CARM1: variants seen among roughly 807,000 people sequenced by gnomAD.
The protein encoded by CARM1 is histone-arginine methyltransferase CARM1.
CARM1 carries 14 observed loss-of-function variants against 72.7 expected under a neutral mutation model. The ratio of observed to expected loss-of-function variants is 0.19; its 90% confidence interval spans 0.13 to 0.30. The LOEUF (loss-of-function observed/expected upper bound fraction) is 0.30, where lower values mean the gene tolerates loss of function less well. Ranked by LOEUF, CARM1 falls within the 10% of genes least tolerant of loss-of-function variation. CARM1 has a pLI of 1.00. For synonymous variants in CARM1, 333 were observed against 345.5 expected (o/e 0.96, Z 0.40); for missense variants, 432 against 833.7 (o/e 0.52, Z 5.93).
At position 10,903,564 on chromosome 19, in the gene CARM1, CTTT is replaced by C. The variant is rs1203997737; in HGVS notation, c.221-1374_221-1372del. Among the ~76,000 whole-genome samples the C allele has an allele frequency of 1.1e-3, 159 of 142,886 alleles. 1 individual carries two copies. The highest frequency in any genetic ancestry group is 3.9e-3 in the African/African-American group (153 of 39,124). 93.7% of individuals were successfully genotyped at this position (142,886 alleles called of 152,430 possible). On this transcript the variant is annotated intron_variant, in intron 1 of 15. Coordinates refer to ENST00000327064, the MANE Select transcript of CARM1 (RefSeq NM_199141.2). ...TCCACACTCACATTTCCCTAGTTGT[CTTT>C]TTTTTTTTTTTTAATAGGATCTCAC...
chr19:10,912,167 T>C lies in CARM1; in HGVS notation c.559-17T>C, dbSNP rs2074156243. 5.0e-6 allele frequency: 8 copies of C among 1,602,586 alleles called. No individual in the cohort carries two copies. The East Asian group carries it at 1.8e-4, about 36-fold the overall frequency. ...TCGCCTCCTATGTCTCGCTCTCACC[T>C]CCCACTCCTCCCTCAGATCGTTCTT... On this transcript the variant is annotated splice_polypyrimidine_tract_variant and intron_variant, in intron 4 of 15. Coordinates refer to ENST00000327064, the MANE Select transcript of CARM1 (RefSeq NM_199141.2). This position sits in a 1 kb window ranked among gnomAD's most constrained non-coding sequence, Gnocchi z 4.5.
intron 1 of CARM1, among the ~76,000 whole-genome samples, chr19:10,890,564 C>T (rs896242482): frequency 4.0e-5 from 6 of 150,976 alleles, no homozygotes; most frequent in Non-Finnish European, 8.8e-5. Flanking sequence ...CACCCCACCG[C>T]GCCTAGCCTA....
intron 1 of CARM1, among the ~76,000 whole-genome samples, chr19:10,883,301 T>TA (rs1385047231): frequency 1.3e-5 from 2 of 151,860 alleles, no homozygotes; most frequent in Admixed American, 6.6e-5. Context: ...GGTGTGGGGG[T>TA]AGGTAGGACA....
At position 10,915,239 on chromosome 19, in the gene CARM1, GC is replaced by G. The variant is rs2074185878; in HGVS notation, c.848-1164del. 6.6e-6 allele frequency among the ~76,000 whole-genome samples: 1 copy of G among 152,136 alleles called. No homozygotes were observed. Among genetic ancestry groups the G allele is most frequent in the South Asian group, 2.1e-4 (1 of 4,834 alleles). On this transcript the variant is annotated intron_variant, in intron 6 of 15. Transcript: ENST00000327064. This position sits in a 1 kb window ranked among gnomAD's most constrained non-coding sequence, Gnocchi z 4.6. ...AGCAAGGCTGCTCCAGGGGCTGTGG[GC>G]CCCACTCTCCTCCCCTTCTGCCCTG...
intron 1 of CARM1, among the ~76,000 whole-genome samples, chr19:10,900,458 C>T (rs950816690): frequency 6.6e-6 from 1 of 152,184 alleles, no homozygotes; most frequent in African/African-American, 2.4e-5. Flanking sequence ...TGTCTGGCTT[C>T]TTTCGGCATG....
At chr19:10,903,517 C>T (rs1260116754) in intron 1 of CARM1, among the ~76,000 whole-genome samples, 1 of 151,830 alleles carries the variant, frequency 6.6e-6, no homozygotes, top group African/African-American at 2.4e-5. Flanking sequence ...ATCCAAATAA[C>T]TTAAAATTAT....
At chr19:10,911,148 C>T (rs1220123163) in intron 4 of CARM1, among the ~76,000 whole-genome samples, 4 of 152,200 alleles carry the variant, frequency 2.6e-5, no homozygotes, top group Non-Finnish European at 1.5e-5. Context: ...GCCTCAGCCT[C>T]CCAAAGTGCT....
chr19:10,873,013 A>C (rs745649508), intron 1 of CARM1, among the ~76,000 whole-genome samples: 6 of 152,040 alleles, frequency 3.9e-5, no homozygotes, highest in Non-Finnish European at 7.4e-5. Context: ...GGACTAAAGG[A>C]GTTGTGTCTG....
intron 2 of CARM1, among the ~76,000 whole-genome samples, chr19:10,906,449 G>T (rs929548866): frequency 2.0e-5 from 3 of 152,102 alleles, no homozygotes; most frequent in Admixed American, 1.3e-4. Flanking sequence ...TGCTCATCCC[G>T]AACTGTGTCT....
intron 1 of CARM1, among the ~76,000 whole-genome samples, chr19:10,873,630 T>TG (rs1568343643): frequency 2.7e-5 from 3 of 110,142 alleles, no homozygotes; most frequent in Non-Finnish European, 1.9e-5. Context: ...TTTAGTTTTT[T>TG]TTTTTTTTTT....
At chr19:10,890,592 G>A (rs2073976511) in intron 1 of CARM1, among the ~76,000 whole-genome samples, 1 of 150,824 alleles carries the variant, frequency 6.6e-6, no homozygotes, top group Admixed American at 6.6e-5. Flanking sequence ...GTTTTGTGTG[G>A]TGGTACATAC....
rs1271061584 is a variant in CARM1, at chr19:10,871,830, C to T, written c.128C>T (p.Ala43Val). Reference protein sequence around the residue: ...PGARLLTIGDANGEIQRHAEQ... With the variant: ...PGARLLTIGDVNGEIQRHAEQ... ...GCCCGCCTCCTCACCATCGGCGACGCGAACGGCGAGATCCAGCGGCACGCG... is the reference window on the plus strand; with the variant it reads ...GCCCGCCTCCTCACCATCGGCGACGTGAACGGCGAGATCCAGCGGCACGCG... Residue 43 changes from alanine (A) to valine (V), a missense_variant, in exon 1 of 16, where the codon GCG becomes GTG. Around this residue, in one of 3 missense-constraint regions of CARM1, gnomAD observed 138 missense variants for 192.3 expected, o/e 0.72. Transcript: ENST00000327064. The surrounding 1 kb of genome is among the most constrained non-coding windows in gnomAD (Gnocchi z 5.6). 1 of 1,296,030 alleles carries T rather than the reference C, an allele frequency of 7.7e-7. No individual in the cohort carries two copies. The highest frequency in any genetic ancestry group is 9.9e-7 in the Non-Finnish European group (1 of 1,014,856). The allele number at this position is 1,296,030 out of a possible 1,614,324, so 80.3% of individuals were successfully genotyped here. A position where few individuals can be genotyped will look rare whatever the true frequency, so the allele number is the denominator to read the frequency against.
chr19:10,902,389 G>A (rs996412258), intron 1 of CARM1, among the ~76,000 whole-genome samples: 3 of 150,126 alleles, frequency 2.0e-5, no homozygotes, highest in Non-Finnish European at 3.0e-5. Context: ...CACCTCCCGG[G>A]TTCACACCAT....
intron 1 of CARM1, among the ~76,000 whole-genome samples, chr19:10,898,531 T>C (rs1300580377): frequency 6.6e-6 from 1 of 152,248 alleles, no homozygotes; most frequent in African/African-American, 2.4e-5. Context: ...AGGGCCTTTC[T>C]GAATCCTGGG....
At position 10,894,099 on chromosome 19, in the gene CARM1, G is replaced by A. The variant is rs575109324; in HGVS notation, c.221-10852G>A. Among the ~76,000 whole-genome samples, 334 of 152,298 alleles carry A rather than the reference G, an allele frequency of 2.2e-3. 6 individuals carry two copies. The South Asian group carries it at 0.049, about 22-fold the overall frequency. On this transcript the variant is annotated intron_variant, in intron 1 of 15. Transcript: ENST00000327064. ...GGCAGTGGGGCCTGGCTCAGGTGTC[G>A]CCTCCTCCCGAGTCTGCCTGGAATC...
At chr19:10,903,895 G>A (rs1241027141) in intron 1 of CARM1, among the ~76,000 whole-genome samples, 1 of 152,078 alleles carries the variant, frequency 6.6e-6, no homozygotes, top group Non-Finnish European at 1.5e-5. Flanking sequence ...GTAGAGATGG[G>A]GTCTTGCTAT....
At position 10,914,149 on chromosome 19, in the gene CARM1, C is replaced by T. The variant is rs547620082; in HGVS notation, c.847+95C>T. ...AGTGCTTCAGCTCCCTGCTTACTGT[C>T]GGTGGCCCGGGGTGTAGGGAAGCCT... On this transcript the variant is annotated intron_variant, in intron 6 of 15. Transcript: ENST00000327064. 4.4e-4 allele frequency: 555 copies of T among 1,257,776 alleles called. 1 individual carries two copies. The highest frequency in any genetic ancestry group is 4.7e-4 in the Non-Finnish European group (424 of 908,010). The allele number at this position is 1,257,776 out of a possible 1,614,324, so 77.9% of individuals were successfully genotyped here. A position where few individuals can be genotyped will look rare whatever the true frequency, so the allele number is the denominator to read the frequency against.
chr19:10,893,193 A>G (rs1289332007), intron 1 of CARM1, among the ~76,000 whole-genome samples: 3 of 148,382 alleles, frequency 2.0e-5, no homozygotes, highest in African/African-American at 5.0e-5. Flanking sequence ...ATGTACCACC[A>G]TGCCTGGCTA....
rs372568929 is a variant in CARM1 at position 10,897,261 on chromosome 19, C to T, written c.221-7690C>T. Among the ~76,000 whole-genome samples, 5 of 152,078 alleles carry T rather than the reference C, an allele frequency of 3.3e-5. No homozygotes were observed. In the East Asian group the frequency reaches 9.6e-4, roughly 29 times the overall value. On this transcript the variant is annotated intron_variant, in intron 1 of 15. Transcript: ENST00000327064. The stretch of plus-strand genomic sequence containing the variant: ...AAGGGCATAGTGAGAGTAGATACTC[C>T]CAGAAGTGATGAGAAGAGGAAACAG...
Sources: allele counts gnomAD v4.1 joint callset (sites outside exome capture counted in the v4.1 genomes callset), GRCh38; gene constraint gnomAD v4.1.1; regional missense constraint gnomAD v4.1.1; non-coding constraint Gnocchi (gnomAD v3.1); transcripts MANE v1.5; gene names NCBI Gene and HGNC (gene_info 2026-07-23, HGNC 2026-07-21).